Variants in SPON1 observed in about 807,000 individuals in gnomAD.
SPON1 encodes the protein spondin 1, also known as spondin-1.
A neutral mutation model predicts 111.7 loss-of-function variants in SPON1; 52 were observed. The ratio of observed to expected loss-of-function variants is 0.47; its 90% CI spans 0.37 to 0.59. The LOEUF (loss-of-function observed/expected upper bound fraction) is 0.59, where lower values mean the gene tolerates loss of function less well. SPON1 is among the 20% of genes least tolerant of loss of function. SPON1 has a pLI of 0.00. For synonymous variants in SPON1, 410 were observed against 395.8 expected (o/e 1.04, Z -0.43); for missense variants, 957 against 1,068.5 (o/e 0.90, Z 1.46).
chr11:14,131,557 G>T (rs1401546445), intron 5 of SPON1, among the ~76,000 whole-genome samples: 3 of 152,112 alleles, frequency 2.0e-5, no homozygotes, highest in African/African-American at 7.2e-5. Context: ...TTTTGGATTG[G>T]TGCTTCATAT....
At chr11:14,033,560 A>G (rs1272167487) in intron 2 of SPON1, among the ~76,000 whole-genome samples, 1 of 152,224 alleles carries the variant, frequency 6.6e-6, no homozygotes, top group Non-Finnish European at 1.5e-5. Context: ...GCCCATAAAT[A>G]GGCTGAGGGA....
intron 3 of SPON1, among the ~76,000 whole-genome samples, chr11:14,060,253 G>T (rs1848781727): frequency 6.6e-6 from 1 of 152,132 alleles, no homozygotes; most frequent in Non-Finnish European, 1.5e-5. Flanking sequence ...GAAATGATTT[G>T]CTAGGCTTTT....
At chr11:14,032,344 C>T (rs193189000) in intron 2 of SPON1, among the ~76,000 whole-genome samples, 3 of 152,220 alleles carry the variant, frequency 2.0e-5, no homozygotes, top group African/African-American at 2.4e-5. Context: ...TGATTTTCTA[C>T]GATGAACAAA....
intron 2 of SPON1, among the ~76,000 whole-genome samples, chr11:14,001,725 T>C (rs560015345): frequency 6.6e-6 from 1 of 152,302 alleles, no homozygotes; most frequent in East Asian, 1.9e-4. Flanking sequence ...AAGGAGTTTC[T>C]AGGGAAAACC....
chr11:13,996,711 G>GTGTATATATATA lies in SPON1; in HGVS notation c.345+13759_345+13760insGTATATATATAT, dbSNP rs535844829. Reference sequence around the variant, plus strand: ...TTATATAGAAAACACACCTATGTGTGTATATATATATATACACACACACCT... The same window carrying GTGTATATATATA: ...TTATATAGAAAACACACCTATGTGTGTGTATATATATATATATATATATATACACACACACCT... On this transcript the variant is annotated intron_variant, in intron 2 of 15. Transcript: ENST00000576479. Among the ~76,000 whole-genome samples, 734 of 145,204 alleles carry GTGTATATATATA rather than the reference G, an allele frequency of 5.1e-3. 1 individual carries two copies. Among genetic ancestry groups the GTGTATATATATA allele is most frequent in the African/African-American group, 0.019 (693 of 36,078 alleles).
chr11:14,159,150 ACT>A (rs1199699267), intron 6 of SPON1, among the ~76,000 whole-genome samples: 5 of 151,928 alleles, frequency 3.3e-5, no homozygotes, highest in African/African-American at 7.3e-5. Flanking sequence ...AATTAGTAAG[ACT>A]CTAATTGATT....
At chr11:14,123,081 C>T (rs1847413110) in intron 5 of SPON1, among the ~76,000 whole-genome samples, 1 of 152,020 alleles carries the variant, frequency 6.6e-6, no homozygotes, top group Admixed American at 6.6e-5. Context: ...CAGGCAGGCA[C>T]CACCATGCCC....
chr11:14,088,324 G>A lies in SPON1; in HGVS notation c.676+8303G>A, dbSNP rs576741220. Among the ~76,000 whole-genome samples, 4 of 152,282 alleles carry A rather than the reference G, an allele frequency of 2.6e-5. No individual in the cohort carries two copies. In the East Asian group the frequency reaches 7.7e-4, roughly 29 times the overall value. On this transcript the variant is annotated intron_variant, in intron 5 of 15. Coordinates refer to ENST00000576479, the MANE Select transcript of SPON1 (RefSeq NM_006108.4). ...TCAGGAGCTCTTGTAAGGCATGCCTGTTGGTGACAAAATCCCTCAGCATTT... is the reference window on the plus strand; with the variant it reads ...TCAGGAGCTCTTGTAAGGCATGCCTATTGGTGACAAAATCCCTCAGCATTT...
chr11:14,123,529 T>C (rs1847421304), intron 5 of SPON1, among the ~76,000 whole-genome samples: 1 of 152,174 alleles, frequency 6.6e-6, no homozygotes, highest in Non-Finnish European at 1.5e-5. Context: ...TCTCTAGCAT[T>C]GTGTGACCTC....
intron 5 of SPON1, among the ~76,000 whole-genome samples, chr11:14,102,019 C>T (rs1191928186): frequency 6.6e-6 from 1 of 152,168 alleles, no homozygotes; most frequent in African/African-American, 2.4e-5. Context: ...TGAGAAGTAG[C>T]AGACATCATG....
intron 2 of SPON1, among the ~76,000 whole-genome samples, chr11:13,991,446 T>C (rs572819065): frequency 1.3e-5 from 2 of 152,330 alleles, no homozygotes; most frequent in South Asian, 4.1e-4. Flanking sequence ...TGTTCTTCTC[T>C]ACACTGGTTA....
At chr11:14,025,966 A>C (rs1487052270) in intron 2 of SPON1, among the ~76,000 whole-genome samples, 1 of 152,122 alleles carries the variant, frequency 6.6e-6, no homozygotes, top group Non-Finnish European at 1.5e-5. Context: ...ATCCTACAAT[A>C]CACCATACTG....
At chr11:14,077,816 A>C (rs183786033) in intron 4 of SPON1, among the ~76,000 whole-genome samples, 1 of 150,932 alleles carries the variant, frequency 6.6e-6, no homozygotes, top group East Asian at 1.9e-4. Context: ...CCATGTCACA[A>C]GCAATTAAAT....
rs187792311 is a variant in SPON1 at position 14,154,123 on chromosome 11, C to A, written c.825+18555C>A. On this transcript the variant is annotated intron_variant, in intron 6 of 15. Transcript: ENST00000576479. Reference sequence around the variant, plus strand: ...CTGCAGCTTTTCCAGGCACATGGTGCAAGCTGTTGGTAGATCTACCATTCT... The same window carrying A: ...CTGCAGCTTTTCCAGGCACATGGTGAAAGCTGTTGGTAGATCTACCATTCT... Among the ~76,000 whole-genome samples, 66 of 152,258 alleles carry A rather than the reference C, an allele frequency of 4.3e-4. No individual in the cohort carries two copies. In the East Asian group the frequency reaches 0.011, roughly 26 times the overall value.
intron 6 of SPON1, among the ~76,000 whole-genome samples, chr11:14,136,561 G>C (rs560549590): frequency 6.6e-6 from 1 of 152,146 alleles, no homozygotes; most frequent in African/African-American, 2.4e-5. Flanking sequence ...GCTGAGGCCC[G>C]CAGTGTTCCC....
intron 5 of SPON1, among the ~76,000 whole-genome samples, chr11:14,132,697 G>T (rs1374572121): frequency 6.6e-6 from 1 of 152,004 alleles, no homozygotes; most frequent in Non-Finnish European, 1.5e-5. Context: ...ACTCCATCTG[G>T]GTCCCTCCCC....
chr11:13,985,749 A>G lies in SPON1; in HGVS notation c.345+2796A>G, dbSNP rs569148424. Among the ~76,000 whole-genome samples, 14 of 152,256 alleles carry G rather than the reference A, an allele frequency of 9.2e-5. No individual in the cohort carries two copies. In the East Asian group the frequency reaches 2.7e-3, roughly 29 times the overall value. ...TTCAGATGATGAAACTGAGTCCCCA[A>G]GGAGTTCACTAAGTTGACTAAGACA... On this transcript the variant is annotated intron_variant, in intron 2 of 15. Coordinates refer to ENST00000576479, the MANE Select transcript of SPON1 (RefSeq NM_006108.4).
At chr11:14,169,364 ATTTG>A (rs1198447454) in intron 6 of SPON1, among the ~76,000 whole-genome samples, 1 of 151,358 alleles carries the variant, frequency 6.6e-6, no homozygotes, top group Admixed American at 6.6e-5. Flanking sequence ...TTTCTTGTAA[ATTTG>A]TTTGAGTTCA....
At chr11:14,148,474 T>TA (rs36081017) in intron 6 of SPON1, among the ~76,000 whole-genome samples, 60,490 of 150,844 alleles carry the variant, frequency 0.4, 12,226 homozygotes, top group East Asian at 0.54. Flanking sequence ...ATAGTTGAAA[T>TA]AAAAAAAAAT....
Sources: allele counts gnomAD v4.1 joint callset (sites outside exome capture counted in the v4.1 genomes callset), GRCh38; gene constraint gnomAD v4.1.1; transcripts MANE v1.5; gene names NCBI Gene and HGNC (gene_info 2026-07-23, HGNC 2026-07-21).